Variants in ZDHHC17 observed in about 807,000 individuals in gnomAD.
ZDHHC17 encodes palmitoyltransferase ZDHHC17.
In ZDHHC17, 40 loss-of-function variants were observed where a neutral mutation model predicts 90.3. The observed-to-expected ratio is 0.44, with a 90% CI of 0.34 to 0.58. ZDHHC17 has a LOEUF of 0.58. Among genes scored for constraint, ZDHHC17 ranks in the 20% least tolerant of loss-of-function variants. The pLI is 0.01. For missense variants in ZDHHC17, 614 were observed against 780.8 expected (o/e 0.79, Z 2.55); for synonymous variants, 235 against 252.4 (o/e 0.93, Z 0.65).
intron 16 of ZDHHC17, 82 bp from the exon 17 acceptor site, chr12:76,850,761 ATATT>A: frequency 6.6e-7 from 1 of 1,507,438 alleles, no homozygotes; most frequent in South Asian, 1.3e-5. Context: ...AGAAAAAAAT[ATATT>A]TAACACGAAA....
At chr12:76,813,965 A>G (rs2137767697) in intron 5 of ZDHHC17, among the ~76,000 whole-genome samples, 1 of 152,250 alleles carries the variant, frequency 6.6e-6, no homozygotes, top group South Asian at 2.1e-4. Context: ...CTAGAAAAGT[A>G]GATAGATAAG....
chr12:76,796,580 G>A (rs1291765625), intron 1 of ZDHHC17, among the ~76,000 whole-genome samples: 2 of 152,014 alleles, frequency 1.3e-5, no homozygotes, highest in Non-Finnish European at 2.9e-5. Context: ...GCCTATTCAA[G>A]CAGATTTACC....
Position 76,809,837 on chromosome 12 carries a change from T to C in ZDHHC17, c.523T>C (p.Tyr175His). The C allele has an allele frequency of 6.2e-7, 1 of 1,611,370 alleles. No homozygotes were observed. The highest frequency in any genetic ancestry group is 8.5e-7 in the Non-Finnish European group (1 of 1,178,716). The change falls in exon 5 of 17, where the codon TAT becomes CAT. Residue 175 changes from tyrosine to histidine, a missense_variant. This residue lies in a region of ZDHHC17 where 358 missense variants were observed against 380.4 expected (regional missense o/e 0.94). Coordinates refer to ENST00000426126, the MANE Select transcript of ZDHHC17 (RefSeq NM_015336.4). ...AQFGHTSIVA[Y>H]LIAKGQDVDM... ...GTTCGGACATACCTCAATTGTTGCT[T>C]ATCTCATAGCAAAAGGACAGGTAAA...
intron 3 of ZDHHC17, among the ~76,000 whole-genome samples, chr12:76,805,687 C>T (rs964600819): frequency 6.6e-6 from 1 of 151,974 alleles, no homozygotes; most frequent in Non-Finnish European, 1.5e-5. Flanking sequence ...TTAATATAAC[C>T]GTATATGAAA....
intron 12 of ZDHHC17, among the ~76,000 whole-genome samples, chr12:76,843,424 G>GT (rs1231272272): frequency 1.3e-3 from 184 of 144,304 alleles, no homozygotes; most frequent in Non-Finnish European, 1.4e-3. Context: ...TTGAGTAGGT[G>GT]GTTTTTTTTG....
intron 7 of ZDHHC17, 145 bp downstream of exon 7, chr12:76,816,164 A>G (rs1953084961): frequency 1.9e-6 from 1 of 538,246 alleles, no homozygotes; most frequent in Non-Finnish European, 3.0e-6. Context: ...TGCATAATAC[A>G]TTTTAATAAT....
At chr12:76,774,244 T>G (rs1952530221) in intron 1 of ZDHHC17, among the ~76,000 whole-genome samples, 1 of 120,670 alleles carries the variant, frequency 8.3e-6, no homozygotes, top group Admixed American at 8.8e-5. Context: ...AGTGAGACCC[T>G]GTCTCAAAAT....
chr12:76,815,996 A>G lies in ZDHHC17; in HGVS notation c.748A>G (p.Asn250Asp). 1 of 1,559,008 alleles carries G rather than the reference A, an allele frequency of 6.4e-7. No individual in the cohort carries two copies. The highest frequency in any genetic ancestry group is 8.7e-7 in the Non-Finnish European group (1 of 1,153,154). ...TAGCCTTCTTCTGGAAGCTGGAGCT[A>G]ATGTTGATGCCCAGAATATCAAGGT... The part of the protein sequence containing the change: ...VISLLLEAGA[N>D]VDAQNIKGES... Residue 250 changes from asparagine to aspartate, a missense_variant, in exon 7 of 17, where the codon AAT becomes GAT. Around this residue, in one of 5 missense-constraint regions of ZDHHC17, gnomAD observed 358 missense variants for 380.4 expected, o/e 0.94. Coordinates refer to ENST00000426126, the MANE Select transcript of ZDHHC17 (RefSeq NM_015336.4).
At chr12:76,813,076 A>AT (rs540133382) in intron 5 of ZDHHC17, among the ~76,000 whole-genome samples, 1 of 152,048 alleles carries the variant, frequency 6.6e-6, no homozygotes, top group Non-Finnish European at 1.5e-5. Flanking sequence ...ATGATTTTAC[A>AT]TTTTTTTATT....
chr12:76,827,076 T>G (rs1165429651), intron 9 of ZDHHC17, 26 bp downstream of exon 9: 2 of 1,538,164 alleles, frequency 1.3e-6, no homozygotes, highest in Non-Finnish European at 8.7e-7. Flanking sequence ...TTAACTATAT[T>G]TTAAACTGTA....
At chr12:76,790,637 T>C (rs1351941572) in intron 1 of ZDHHC17, among the ~76,000 whole-genome samples, 1 of 152,234 alleles carries the variant, frequency 6.6e-6, no homozygotes, top group Non-Finnish European at 1.5e-5. Context: ...GTGAAAACTG[T>C]TATTTAAGGG....
At chr12:76,795,759 A>G (rs889492685) in intron 1 of ZDHHC17, among the ~76,000 whole-genome samples, 2 of 152,168 alleles carry the variant, frequency 1.3e-5, no homozygotes, top group Non-Finnish European at 2.9e-5. Context: ...AACATTGTGT[A>G]TACTCAAAAT....
chr12:76,827,635 A>C (rs1953245184), intron 9 of ZDHHC17, among the ~76,000 whole-genome samples: 1 of 152,048 alleles, frequency 6.6e-6, no homozygotes, highest in African/African-American at 2.4e-5. Flanking sequence ...TTTCCCATCT[A>C]ATTTCCAGTC....
intron 2 of ZDHHC17, among the ~76,000 whole-genome samples, chr12:76,798,132 G>A (rs1257807111): frequency 1.3e-5 from 2 of 152,120 alleles, no homozygotes; most frequent in Non-Finnish European, 2.9e-5. Context: ...CACTTTAAAT[G>A]GAAACCATCA....
chr12:76,845,661 T>C (rs771421131), intron 12 of ZDHHC17, 48 bp from the exon 13 acceptor site: 1 of 791,258 alleles, frequency 1.3e-6, no homozygotes, highest in Non-Finnish European at 1.9e-6. Context: ...TCAGCTTTTC[T>C]CTCTTAGTAT....
At chr12:76,797,019 C>CT (rs1952827499) in intron 1 of ZDHHC17, among the ~76,000 whole-genome samples, 1 of 152,054 alleles carries the variant, frequency 6.6e-6, no homozygotes, top group Non-Finnish European at 1.5e-5. Context: ...AATCTCAGCA[C>CT]TTTGGGAGGC....
intron 5 of ZDHHC17, 82 bp from the exon 6 acceptor site, chr12:76,815,064 A>G: frequency 1.1e-6 from 1 of 879,930 alleles, no homozygotes; most frequent in Non-Finnish European, 1.8e-6. Context: ...CTCCTTTTAT[A>G]TATAGATTAG....
chr12:76,811,030 C>T (rs1015263144), intron 5 of ZDHHC17, among the ~76,000 whole-genome samples: 1 of 152,184 alleles, frequency 6.6e-6, no homozygotes, highest in African/African-American at 2.4e-5. Context: ...AACTAGACTT[C>T]TTACATATTG....
At position 76,850,970 on chromosome 12, in the gene ZDHHC17, G is replaced by T; in HGVS notation, c.1884G>T (p.Gly628=). ...AATATGACCAAATATCAGGATCTGG[G>T]TACCAGCTGGTGTAGCGACATCTTA... is the stretch of plus-strand genomic sequence containing the variant. ...TIEYDQISGS[G]YQLV The change falls in exon 17 of 17, where the codon GGG becomes GGT. Residue 628 remains glycine (G), a synonymous_variant. Transcript: ENST00000426126. The T allele has an allele frequency of 1.2e-6, 2 of 1,613,834 alleles. No individual in the cohort carries two copies. Among genetic ancestry groups the T allele is most frequent in the South Asian group, 2.2e-5 (2 of 91,048 alleles).
Sources: gnomAD v4.1 joint callset for allele counts (sites outside exome capture counted in the v4.1 genomes callset) on GRCh38, gnomAD v4.1.1 for gene constraint, gnomAD v4.1.1 regional missense constraint, MANE v1.5 for transcripts, NCBI Gene and HGNC (gene_info 2026-07-23, HGNC 2026-07-21) for gene names.